ABCA13: variants seen among roughly 807,000 people sequenced by gnomAD.
ABCA13 encodes the protein ATP binding cassette subfamily A member 13.
In ABCA13, 476 loss-of-function variants were observed where a neutral mutation model predicts 478.7. The observed-to-expected ratio is 0.99, with a 90% CI of 0.92 to 1.07. The LOEUF (loss-of-function observed/expected upper bound fraction) is 1.07. Among genes scored for constraint, ABCA13 ranks in the 50% least tolerant of loss-of-function variants. The probability of loss-of-function intolerance (pLI) is 0.00; values close to 1 mark genes in which losing one functional copy is unlikely to be tolerated. For synonymous variants in ABCA13, 2,252 were observed against 2,158.9 expected, an observed-to-expected ratio of 1.04 and a Z score of -1.20; for missense variants, 6,060 against 5,910.6, an observed-to-expected ratio of 1.03 and a Z score of -0.83.
At chr7:48,312,627 A>G (rs1424461036) in intron 24 of ABCA13, among the ~76,000 whole-genome samples, 2 of 152,350 alleles carry the variant, frequency 1.3e-5, no homozygotes, top group African/African-American at 4.8e-5. Flanking sequence ...CCACAAAACG[A>G]ACAGTATAAT....
chr7:48,289,153 G>A (rs1339567292), intron 20 of ABCA13, among the ~76,000 whole-genome samples: 1 of 152,138 alleles, frequency 6.6e-6, no homozygotes, highest in African/African-American at 2.4e-5. Context: ...GGGAGTGAGA[G>A]CTGCTGATCT....
At chr7:48,311,771 C>T (rs1195358987) in intron 24 of ABCA13, among the ~76,000 whole-genome samples, 1 of 152,176 alleles carries the variant, frequency 6.6e-6, no homozygotes, top group African/African-American at 2.4e-5. Context: ...GATGTTAGGG[C>T]AGCCCGACCT....
At chr7:48,245,185 C>T (rs921534530) in intron 11 of ABCA13, among the ~76,000 whole-genome samples, 1 of 152,168 alleles carries the variant, frequency 6.6e-6, no homozygotes, top group African/African-American at 2.4e-5. Context: ...GAGCATTATT[C>T]TTTCTTCCCT....
At chr7:48,544,411 A>G (rs1784626947) in intron 55 of ABCA13, among the ~76,000 whole-genome samples, 1 of 151,852 alleles carries the variant, frequency 6.6e-6, no homozygotes, top group Admixed American at 6.6e-5. Context: ...GCAGGATTAC[A>G]GGGTTGGGAC....
intron 42 of ABCA13, among the ~76,000 whole-genome samples, chr7:48,441,410 C>T (rs1414186080): frequency 6.6e-6 from 1 of 152,164 alleles, no homozygotes; most frequent in East Asian, 1.9e-4. Context: ...CTATGGGCAC[C>T]CCTTCTCTCT....
chr7:48,367,974 T>C (rs1400981408), intron 32 of ABCA13, 66 bp downstream of exon 32: 2 of 1,295,562 alleles, frequency 1.5e-6, no homozygotes, highest in Admixed American at 2.2e-5. Context: ...GAAATGGATC[T>C]TGTCCCATAA....
rs1411607842 is a variant in ABCA13 at position 48,459,964 on chromosome 7, G to A, written c.12815+4678G>A. On this transcript the variant is annotated intron_variant, in intron 43 of 61. Transcript: ENST00000435803. ...AGTTCACTGCATTAGAAAAACCCGT[G>A]AGCCCTCCTTGAACATGGACCTGAC... Among the ~76,000 whole-genome samples, 7 of 152,192 alleles carry A rather than the reference G, an allele frequency of 4.6e-5. No individual in the cohort carries two copies. In the East Asian group the frequency reaches 1.4e-3, roughly 30 times the overall value.
At chr7:48,427,031 G>A (rs1457983264) in intron 41 of ABCA13, among the ~76,000 whole-genome samples, 19 of 152,130 alleles carry the variant, frequency 1.2e-4, no homozygotes, top group Admixed American at 1.2e-3. Flanking sequence ...TATGCTTCTC[G>A]TGAATTGCCC....
intron 25 of ABCA13, among the ~76,000 whole-genome samples, chr7:48,313,969 A>T (rs59193310): frequency 0.14 from 20,815 of 149,868 alleles, 1,506 homozygotes; most frequent in East Asian, 0.19. Context: ...GTAAGGACTT[A>T]TGTGTGTGTG....
At chr7:48,328,442 A>C (rs760048236) in intron 27 of ABCA13, among the ~76,000 whole-genome samples, 10 of 152,338 alleles carry the variant, frequency 6.6e-5, no homozygotes, top group Non-Finnish European at 1.5e-4. Flanking sequence ...CCAGAGTAGA[A>C]GTAATTACAT....
chr7:48,329,802 C>A (rs1804938003), intron 27 of ABCA13, among the ~76,000 whole-genome samples: 1 of 151,840 alleles, frequency 6.6e-6, no homozygotes, highest in Non-Finnish European at 1.5e-5. Context: ...CCCATCCACC[C>A]ATTCATTCAT....
At chr7:48,624,790 G>A (rs1793507124) in intron 59 of ABCA13, among the ~76,000 whole-genome samples, 1 of 152,052 alleles carries the variant, frequency 6.6e-6, no homozygotes, top group African/African-American at 2.4e-5. Context: ...CCTGACCTCA[G>A]GTGATCTGCC....
chr7:48,322,369 T>C (rs1273666791), intron 27 of ABCA13, among the ~76,000 whole-genome samples: 1 of 152,160 alleles, frequency 6.6e-6, no homozygotes, highest in Non-Finnish European at 1.5e-5. Flanking sequence ...AGCCCACACA[T>C]ACCTGGAATT....
chr7:48,423,790 T>G (rs1821075709), intron 41 of ABCA13, among the ~76,000 whole-genome samples: 1 of 152,236 alleles, frequency 6.6e-6, no homozygotes, highest in South Asian at 2.1e-4. Flanking sequence ...AGACATAATT[T>G]CATCATGTCT....
chr7:48,454,566 G>T (rs1311122571), intron 42 of ABCA13, among the ~76,000 whole-genome samples: 1 of 152,168 alleles, frequency 6.6e-6, no homozygotes, highest in Non-Finnish European at 1.5e-5. Flanking sequence ...CTGCGGGGAA[G>T]TGGAAGGCGC....
At chr7:48,328,168 C>T (rs564216586) in intron 27 of ABCA13, among the ~76,000 whole-genome samples, 116 of 152,276 alleles carry the variant, frequency 7.6e-4, no homozygotes, top group Middle Eastern at 3.4e-3. Flanking sequence ...TAAACTTGTA[C>T]GGGCTGGAAG....
Position 48,274,089 on chromosome 7 carries a change from A to C in ABCA13, c.4423A>C (p.Thr1475Pro). The C allele has an allele frequency of 1.2e-6, 2 of 1,607,014 alleles. No homozygotes were observed. The highest frequency in any genetic ancestry group is 1.7e-6 in the Non-Finnish European group (2 of 1,175,856). ...DVTDFLNIVL[T>P]TVFEKEKKPK... ...AACTGACTTTCTAAATATTGTACTT[A>C]CTACAGTCTTTGAAAAAGAGAAGAA... The change falls in exon 17 of 62, where the codon ACT becomes CCT. Residue 1475 changes from threonine to proline, a missense_variant. This residue lies in a region of ABCA13 where 4,423 missense variants were observed against 4,309.1 expected (regional missense o/e 1.03). Coordinates refer to ENST00000435803, the MANE Select transcript of ABCA13 (RefSeq NM_152701.5).
intron 55 of ABCA13, among the ~76,000 whole-genome samples, chr7:48,548,706 A>C (rs67370671): frequency 0.14 from 21,280 of 151,706 alleles, 2,070 homozygotes; most frequent in African/African-American, 0.23. Flanking sequence ...GGAAGTCCTC[A>C]CTGGGAGACC....
intron 3 of ABCA13, among the ~76,000 whole-genome samples, chr7:48,218,041 G>C (rs1041125584): frequency 6.6e-6 from 1 of 152,060 alleles, no homozygotes; most frequent in Non-Finnish European, 1.5e-5. Flanking sequence ...ATTTAATCAG[G>C]ATTTTCTATG....
Sources: allele counts gnomAD v4.1 joint callset (sites outside exome capture counted in the v4.1 genomes callset), GRCh38; gene constraint gnomAD v4.1.1; regional missense constraint gnomAD v4.1.1; transcripts MANE v1.5; gene names NCBI Gene and HGNC (gene_info 2026-07-23, HGNC 2026-07-21).